LMNB2: variants seen among roughly 807,000 people sequenced by gnomAD.
The protein encoded by LMNB2 is lamin B2, also known as lamin-B2.
In LMNB2, 17 loss-of-function variants were observed where a neutral mutation model predicts 69.3. The observed-to-expected ratio is 0.25, with a 90% CI of 0.17 to 0.37. The LOEUF (loss-of-function observed/expected upper bound fraction) is 0.37. Ranked by LOEUF, LMNB2 falls within the 10% of genes least tolerant of loss-of-function variation. LMNB2 has a pLI of 1.00. For missense variants in LMNB2, 789 were observed against 883.6 expected (o/e 0.89, Z 1.36); for synonymous variants, 397 against 389.3 (o/e 1.02, Z -0.23).
In LMNB2 at chr19:2,447,069, G is replaced by A. The variant is rs906133897; in HGVS notation, c.265-2529C>T. ...TGAGGCAGGAGAATGGCATGAACCCGGGAGGTGGAACTTGCAGTGAGCCGA... is the reference window on the plus strand; with the variant it reads ...TGAGGCAGGAGAATGGCATGAACCCAGGAGGTGGAACTTGCAGTGAGCCGA... On this transcript the variant is annotated intron_variant, in intron 1 of 11. Transcript: ENST00000325327. The surrounding 1 kb of genome is among the most constrained non-coding windows in gnomAD (Gnocchi z 4.4). Among the ~76,000 whole-genome samples the A allele has an allele frequency of 1.3e-4, 19 of 144,604 alleles. No homozygotes were observed. Among genetic ancestry groups the A allele is most frequent in the African/African-American group, 4.4e-4 (17 of 38,424 alleles). 94.9% of individuals were successfully genotyped at this position (144,604 alleles called of 152,430 possible).
Position 2,435,103 on chromosome 19 carries a change from C to A in LMNB2, c.753G>T (p.Glu251Asp), listed in dbSNP as rs372552710. ...LVEVDSSRQQ[E>D]YDFKMAQALE... ...GCGCCTGTGCCATCTTGAAGTCGTA[C>A]TCCTGCTGCCGGCTGCTGTCCACCT... Residue 251 changes from glutamate to aspartate, a missense_variant, in exon 5 of 12, where the codon GAG (glutamate) becomes GAT (aspartate). Transcript: ENST00000325327. 15 of 1,609,432 alleles carry A rather than the reference C, an allele frequency of 9.3e-6. No individual in the cohort carries two copies. Among genetic ancestry groups the A allele is most frequent in the Non-Finnish European group, 8.5e-7 (1 of 1,179,772 alleles).
Position 2,435,054 on chromosome 19 carries a change from C to T in LMNB2, c.802G>A (p.Asp268Asn), listed in dbSNP as rs1013986586. 17 of 1,610,392 alleles carry T rather than the reference C, an allele frequency of 1.1e-5. No individual in the cohort carries two copies. Among genetic ancestry groups the T allele is most frequent in the African/African-American group, 5.3e-5 (4 of 74,914 alleles). Reference protein sequence around the residue: ...QALEELRSQHDEQVRLYKLEL... With the variant: ...QALEELRSQHNEQVRLYKLEL... ...AGCTTGTAGAGCCGCACTTGCTCGT[C>T]GTGCTGGCTCCGCAGCTCCTCCAGC... The change falls in exon 5 of 12, where the codon GAC becomes AAC. Residue 268 changes from aspartate to asparagine, a missense_variant. Coordinates refer to ENST00000325327, the MANE Select transcript of LMNB2 (RefSeq NM_032737.4).
In LMNB2 at chr19:2,447,748, G is replaced by A. The variant is rs951683933; in HGVS notation, c.265-3208C>T. Among the ~76,000 whole-genome samples the A allele has an allele frequency of 1.3e-5, 2 of 152,130 alleles. No homozygotes were observed. Among genetic ancestry groups the A allele is most frequent in the East Asian group, 1.9e-4 (1 of 5,196 alleles). On this transcript the variant is annotated intron_variant, in intron 1 of 11. Coordinates refer to ENST00000325327, the MANE Select transcript of LMNB2 (RefSeq NM_032737.4). The surrounding 1 kb of genome is among the most constrained non-coding windows in gnomAD (Gnocchi z 4.4). ...AGGGCCACACCCCCATGTTACAGGCGAGGCTCCTGTGCAGAGGGCTGGGGG... is the reference window on the plus strand; with the variant it reads ...AGGGCCACACCCCCATGTTACAGGCAAGGCTCCTGTGCAGAGGGCTGGGGG...
At chr19:2,452,850 C>T (rs79122943) in intron 1 of LMNB2, among the ~76,000 whole-genome samples, 22,486 of 151,786 alleles carry the variant, frequency 0.15, 1,794 homozygotes, top group Middle Eastern at 0.18. Flanking sequence ...GCAGGCTCCT[C>T]GGCCTGGCCA....
Position 2,456,944 on chromosome 19 carries a change from C to T in LMNB2, c.-11G>A, listed in dbSNP as rs1390526429. ...GCTCGGCGGGCTCATTCAATCCGCGCCGCCGGCTGCAAGATGGCGCCGCGC... is the reference window on the plus strand; with the variant it reads ...GCTCGGCGGGCTCATTCAATCCGCGTCGCCGGCTGCAAGATGGCGCCGCGC... On this transcript the variant is annotated 5_prime_UTR_variant, in exon 1 of 12. Coordinates refer to ENST00000325327, the MANE Select transcript of LMNB2 (RefSeq NM_032737.4). 12 of 988,010 alleles carry T rather than the reference C, an allele frequency of 1.2e-5. No individual in the cohort carries two copies. Among genetic ancestry groups the T allele is most frequent in the Non-Finnish European group, 1.4e-5 (12 of 833,052 alleles). 61.2% of individuals were successfully genotyped at this position (988,010 alleles called of 1,614,324 possible).
chr19:2,439,099 G>A (rs1363284738), intron 2 of LMNB2, among the ~76,000 whole-genome samples: 2 of 130,314 alleles, frequency 1.5e-5, no homozygotes, highest in Non-Finnish European at 3.1e-5. Flanking sequence ...GCACAGGCTG[G>A]TCTCGAACTC....
At chr19:2,449,108 G>T (rs1307087483) in intron 1 of LMNB2, among the ~76,000 whole-genome samples, 1 of 152,078 alleles carries the variant, frequency 6.6e-6, no homozygotes. Context: ...TGTTGCCCAG[G>T]CTGGTCTCAA....
chr19:2,439,951 T>C (rs1011937743), intron 2 of LMNB2, among the ~76,000 whole-genome samples: 23 of 152,174 alleles, frequency 1.5e-4, no homozygotes, highest in Admixed American at 1.4e-3. Flanking sequence ...CAGGCTGGTC[T>C]CGAACTCCCA....
intron 1 of LMNB2, among the ~76,000 whole-genome samples, chr19:2,451,985 C>T (rs1418163846): frequency 6.6e-6 from 1 of 152,050 alleles, no homozygotes; most frequent in African/African-American, 2.4e-5. Flanking sequence ...GAACGTAAGG[C>T]CTGGCAGGGA....
intron 1 of LMNB2, among the ~76,000 whole-genome samples, chr19:2,450,006 C>T (rs1328700722): frequency 6.6e-6 from 1 of 151,806 alleles, no homozygotes; most frequent in Non-Finnish European, 1.5e-5. Flanking sequence ...ACCAGGGAGG[C>T]GGAGGTTGTG....
rs1472391691 is a variant in LMNB2 at position 2,434,329 on chromosome 19, C to T, written c.1168G>A (p.Ala390Thr). The stretch of plus-strand genomic sequence containing the variant: ...TCGCCCTCCAGGAGCTTCCGGTAGG[C>T]GTTGATCTCCATGTCCAGGGCCAGC... ...VKLALDMEIN[A>T]YRKLLEGEEE... is the part of the protein sequence containing the mutation. The change falls in exon 7 of 12, where the codon GCC becomes ACC. Residue 390 changes from alanine to threonine, a missense_variant. Transcript: ENST00000325327. The T allele has an allele frequency of 3.1e-6, 5 of 1,613,118 alleles. No individual in the cohort carries two copies. The highest frequency in any genetic ancestry group is 2.2e-5 in the East Asian group (1 of 44,876).
In LMNB2 at chr19:2,433,859, G is replaced by C. The variant is rs1367241194; in HGVS notation, c.1449C>G (p.Gly483=). 3 of 1,613,292 alleles carry C rather than the reference G, an allele frequency of 1.9e-6. No individual in the cohort carries two copies. Among genetic ancestry groups the C allele is most frequent in the Non-Finnish European group, 2.5e-6 (3 of 1,179,902 alleles). Residue 483 remains glycine, a synonymous_variant, in exon 8 of 12, where the codon GGC becomes GGG. Coordinates refer to ENST00000325327, the MANE Select transcript of LMNB2 (RefSeq NM_032737.4). The part of the protein sequence containing the change: ...SVSIEEIDLE[G]KFVQLKNNSD... ...AGTTGTTCTTGAGCTGCACAAACTT[G>C]CCCTCCAGGTCGATCTCCTCGATGC... is the stretch of plus-strand genomic sequence containing the variant.
Position 2,444,725 on chromosome 19 carries a change from CCT to C in LMNB2, c.265-187_265-186del, listed in dbSNP as rs571804616. Among the ~76,000 whole-genome samples the C allele has an allele frequency of 1.8e-4, 28 of 152,354 alleles. No individual in the cohort carries two copies. The Middle Eastern group carries it at 0.014, about 74-fold the overall frequency. The stretch of plus-strand genomic sequence containing the variant: ...CTCACAGACACAGCAAAGGGAGCCC[CCT>C]GTCGGGGAGGGTCCGGTAACCAGGA... On this transcript the variant is annotated intron_variant, in intron 1 of 11. Transcript: ENST00000325327.
intron 2 of LMNB2, among the ~76,000 whole-genome samples, chr19:2,442,648 G>A (rs2145460635): frequency 6.6e-6 from 1 of 152,238 alleles, no homozygotes; most frequent in South Asian, 2.1e-4. Context: ...TCGGGGTGGG[G>A]CTGAGGCAGG....
In LMNB2 at chr19:2,434,288, G is replaced by A. The variant is rs1971791045; in HGVS notation, c.1202+7C>T. On this transcript the variant is annotated splice_region_variant and intron_variant, in intron 7 of 11. Coordinates refer to ENST00000325327, the MANE Select transcript of LMNB2 (RefSeq NM_032737.4). ...TCTGTGCTCCCAAGCCTCCTGGCCT[G>A]CCGCACCTCTCCTCCTCGCCCTCCA... is the stretch of plus-strand genomic sequence containing the variant. 6.2e-7 allele frequency: 1 copy of A among 1,611,888 alleles called. No individual in the cohort carries two copies. Among genetic ancestry groups the A allele is most frequent in the South Asian group, 1.1e-5 (1 of 91,030 alleles).
chr19:2,448,030 G>A (rs1164008787), intron 1 of LMNB2, among the ~76,000 whole-genome samples: 1 of 152,194 alleles, frequency 6.6e-6, no homozygotes, highest in Non-Finnish European at 1.5e-5. Flanking sequence ...TCAGGTCTGC[G>A]GGGACCAATT....
At chr19:2,434,951 G>C (rs370301854) in intron 5 of LMNB2, 38 bp from the exon 6 acceptor site, 6 of 1,587,824 alleles carry the variant, frequency 3.8e-6, no homozygotes, top group East Asian at 2.3e-5. Flanking sequence ...GGCGCGGGGC[G>C]GGGCGGGGTT....
Position 2,443,329 on chromosome 19 carries a change from AG to A in LMNB2, c.401+1074del, listed in dbSNP as rs1204937929. Among the ~76,000 whole-genome samples the A allele has an allele frequency of 1.3e-5, 2 of 152,186 alleles. No homozygotes were observed. Among genetic ancestry groups the A allele is most frequent in the Non-Finnish European group, 2.9e-5 (2 of 68,016 alleles). ...CTCTCCACGGGAGCAGCGCCAGCCC[AG>A]GAAGGAGGAGGGCGTCGGATGGAGA... On this transcript the variant is annotated intron_variant, in intron 2 of 11. Coordinates refer to ENST00000325327, the MANE Select transcript of LMNB2 (RefSeq NM_032737.4). The surrounding 1 kb of genome is among the most constrained non-coding windows in gnomAD (Gnocchi z 6.2).
chr19:2,444,685 C>G, intron 1 of LMNB2, 145 bp from the exon 2 acceptor site: 1 of 1,048,454 alleles, frequency 9.5e-7, no homozygotes, highest in Non-Finnish European at 1.4e-6. Context: ...CACTGGGACA[C>G]CCTGTGTTGC....
Sources: gnomAD v4.1 joint callset for allele counts (sites outside exome capture counted in the v4.1 genomes callset) on GRCh38, gnomAD v4.1.1 for gene constraint, Gnocchi (gnomAD v3.1) non-coding constraint, MANE v1.5 for transcripts, NCBI Gene and HGNC (gene_info 2026-07-23, HGNC 2026-07-21) for gene names.